Variants in FMNL3 observed in about 807,000 individuals in gnomAD.
FMNL3 encodes the protein formin-like protein 3.
Under a neutral mutation model 119.6 loss-of-function variants are expected in FMNL3, and 57 were observed. The ratio of observed to expected loss-of-function variants is 0.48; its 90% CI spans 0.39 to 0.59. FMNL3 has a LOEUF of 0.59. Among genes scored for constraint, FMNL3 ranks in the 20% least tolerant of loss-of-function variants. FMNL3 has a pLI of 0.00. For synonymous variants in FMNL3, 491 were observed against 507.3 expected (o/e 0.97, Z 0.43); for missense variants, 1,053 against 1,323.5 (o/e 0.80, Z 3.17).
At chr12:49,687,634 A>C (rs898313778) in intron 1 of FMNL3, among the ~76,000 whole-genome samples, 35 of 152,210 alleles carry the variant, frequency 2.3e-4, no homozygotes, top group African/African-American at 8.4e-4. Context: ...CCCAACAACA[A>C]TGTGAATGCT....
chr12:49,696,441 G>A (rs906337924), intron 1 of FMNL3, among the ~76,000 whole-genome samples: 3 of 152,132 alleles, frequency 2.0e-5, no homozygotes, highest in South Asian at 2.1e-4. Flanking sequence ...AAAAATCTGC[G>A]TATAAGCTCA....
chr12:49,646,702 A>C (rs1304479188), intron 25 of FMNL3, 184 bp downstream of exon 25: 19 of 1,540,492 alleles, frequency 1.2e-5, no homozygotes, highest in East Asian at 7.3e-5. Flanking sequence ...ATCACAGAAG[A>C]AGCGTGAGCC....
At chr12:49,667,123 A>G (rs1943913437) in intron 2 of FMNL3, among the ~76,000 whole-genome samples, 1 of 152,182 alleles carries the variant, frequency 6.6e-6, no homozygotes, top group African/African-American at 2.4e-5. Flanking sequence ...CATCTGACCC[A>G]AAAAGAAACT....
intron 8 of FMNL3, 60 bp downstream of exon 8, chr12:49,656,763 G>A: frequency 6.8e-7 from 1 of 1,475,066 alleles, no homozygotes; most frequent in Non-Finnish European, 9.5e-7. Flanking sequence ...GGAATACATG[G>A]AGTACAGATC....
Position 49,651,991 on chromosome 12 carries a change from G to A in FMNL3, c.1545C>T (p.Val515=). The A allele has an allele frequency of 6.2e-7, 1 of 1,606,452 alleles. No individual in the cohort carries two copies. Residue 515 remains valine (V), a synonymous_variant, in exon 14 of 26, where the codon GTC becomes GTT. Transcript: ENST00000335154. ...GAGCTGGTGGTGGAGGAAGAGGCAG[G>A]ACCTCCTCAGGGGGTGGGGCTGGAG... ...LLAPAPPPEE[V]LPLPPPPAPP... is the part of the protein sequence containing the mutation.
Position 49,648,199 on chromosome 12 carries a change from C to A in FMNL3, c.2670G>T (p.Thr890=). ...GCCTGCACCCCGTGCTTGCCTCAGC[C>A]GTCTTGGCGTCCCGCTGGAGCTTGT... The part of the protein sequence containing the change: ...KLDKLQRDAK[T]AEEAYNAVVR... Residue 890 remains threonine, a synonymous_variant, in exon 22 of 26, where the codon ACG becomes ACT. Coordinates refer to ENST00000335154, the MANE Select transcript of FMNL3 (RefSeq NM_175736.5). The A allele has an allele frequency of 6.2e-7, 1 of 1,612,640 alleles. No homozygotes were observed. Among genetic ancestry groups the A allele is most frequent in the South Asian group, 1.1e-5 (1 of 90,892 alleles).
At chr12:49,648,427 A>AATCAG in intron 21 of FMNL3, 74 bp from the exon 22 acceptor site, 1 of 1,474,774 alleles carries the variant, frequency 6.8e-7, no homozygotes, top group Admixed American at 2.2e-5. Flanking sequence ...GCTATATCAA[A>AATCAG]CTCTGGCCCT....
Position 49,649,999 on chromosome 12 carries a change from C to T in FMNL3, c.2001-74G>A, listed in dbSNP as rs1943344306. ...TCCCTCATCCCTTTTATTCTCCAAG[C>T]TCCTAGAAGAACTGGACAGGGGACT... is the stretch of plus-strand genomic sequence containing the variant. On this transcript the variant is annotated intron_variant, in intron 17 of 25. Coordinates refer to ENST00000335154, the MANE Select transcript of FMNL3 (RefSeq NM_175736.5). This position sits in a 1 kb window ranked among gnomAD's most constrained non-coding sequence, Gnocchi z 5.6. The T allele has an allele frequency of 7.5e-7, 1 of 1,337,124 alleles. No homozygotes were observed. The highest frequency in any genetic ancestry group is 1.0e-6 in the Non-Finnish European group (1 of 968,176). 82.8% of individuals were successfully genotyped at this position (1,337,124 alleles called of 1,614,324 possible). A position where few individuals can be genotyped will look rare whatever the true frequency, so the allele number is the denominator to read the frequency against.
chr12:49,648,940 T>C, intron 21 of FMNL3, 89 bp downstream of exon 21: 3 of 1,500,052 alleles, frequency 2.0e-6, no homozygotes, highest in Non-Finnish European at 2.7e-6. Flanking sequence ...CAGAAACAAA[T>C]GGACCCAAGT....
At chr12:49,667,273 A>T (rs953567429) in intron 2 of FMNL3, among the ~76,000 whole-genome samples, 2 of 152,136 alleles carry the variant, frequency 1.3e-5, no homozygotes, top group Non-Finnish European at 2.9e-5. Context: ...CAAATCAAAG[A>T]AAAAAACGAA....
At position 49,658,511 on chromosome 12, in the gene FMNL3, T is replaced by C. The variant is rs1428484493; in HGVS notation, c.536A>G (p.Gln179Arg). The change falls in exon 6 of 26, where the codon CAG (glutamine) becomes CGG (arginine). Residue 179 changes from glutamine (Q) to arginine (R), a missense_variant. Gln to Arg is a conservative substitution (Grantham distance 43, BLOSUM62 1). This residue lies in a region of FMNL3 where 264 missense variants were observed against 265.5 expected (regional missense o/e 0.99). Coordinates refer to ENST00000335154, the MANE Select transcript of FMNL3 (RefSeq NM_175736.5). ...GGGGGCCGACAGGGCGCTGGGTGGC[T>C]GCAGGTCCTCGATTGACCTGCTCCA... ...RSWSRSIEDL[Q>R]PPSALSAPFT... is the part of the protein sequence containing the mutation. The C allele has an allele frequency of 6.2e-7, 1 of 1,613,756 alleles. No homozygotes were observed. Among genetic ancestry groups the C allele is most frequent in the South Asian group, 1.1e-5 (1 of 91,052 alleles).
At position 49,637,372 on chromosome 12, in the gene FMNL3, G is replaced by T. The variant is rs1184469886; in HGVS notation, c.*8443C>A. On this transcript the variant is annotated 3_prime_UTR_variant, in exon 26 of 26. Transcript: ENST00000335154. Reference sequence around the variant, plus strand: ...TGCCTGCATTTCCTCAATCTTGATTGTCCCTGCCTCTTCCTCTGCCATTCC... The same window carrying T: ...TGCCTGCATTTCCTCAATCTTGATTTTCCCTGCCTCTTCCTCTGCCATTCC... The T allele has an allele frequency of 2.6e-6, 2 of 777,454 alleles. No homozygotes were observed. The highest frequency in any genetic ancestry group is 4.3e-6 in the Non-Finnish European group (2 of 462,996). The allele number at this position is 777,454 out of a possible 1,614,324, so 48.2% of individuals were successfully genotyped here. A position where few individuals can be genotyped will look rare whatever the true frequency, so the allele number is the denominator to read the frequency against.
chr12:49,665,246 T>G (rs2138845282), intron 4 of FMNL3, among the ~76,000 whole-genome samples: 2 of 150,156 alleles, frequency 1.3e-5, no homozygotes, highest in South Asian at 4.2e-4. Flanking sequence ...AAAAAAAGAC[T>G]CACACAGTTC....
chr12:49,684,341 A>C (rs4133070), intron 1 of FMNL3, among the ~76,000 whole-genome samples: 1 of 151,992 alleles, frequency 6.6e-6, no homozygotes, highest in Admixed American at 6.6e-5. Context: ...CCCTGCCACA[A>C]AATAAGGCTC....
chr12:49,636,660 G>A lies in FMNL3; in HGVS notation c.*9155C>T. The A allele has an allele frequency of 1.9e-6, 3 of 1,608,706 alleles. No homozygotes were observed. The highest frequency in any genetic ancestry group is 2.6e-6 in the Non-Finnish European group (3 of 1,175,972). On this transcript the variant is annotated 3_prime_UTR_variant, in exon 26 of 26. Transcript: ENST00000335154. ...TCGTTGAAACATTAGGGGTGCTGGG[G>A]TCTGAGAGGGTATCCTGCTGGGACA... is the stretch of plus-strand genomic sequence containing the variant.
intron 2 of FMNL3, among the ~76,000 whole-genome samples, chr12:49,667,354 A>C (rs938021729): frequency 6.6e-6 from 1 of 152,232 alleles, no homozygotes; most frequent in African/African-American, 2.4e-5. Context: ...CCTCAATATC[A>C]AAGGGTTACT....
At chr12:49,703,543 T>C (rs1259317334) in intron 1 of FMNL3, among the ~76,000 whole-genome samples, 1 of 151,886 alleles carries the variant, frequency 6.6e-6, no homozygotes, top group Non-Finnish European at 1.5e-5. Context: ...AATATTACTG[T>C]TTCTACAGTA....
At chr12:49,684,080 G>A (rs982101950) in intron 1 of FMNL3, among the ~76,000 whole-genome samples, 1 of 152,142 alleles carries the variant, frequency 6.6e-6, no homozygotes, top group African/African-American at 2.4e-5. Context: ...ATAATTACAT[G>A]TTTAATGTGT....
intron 1 of FMNL3, among the ~76,000 whole-genome samples, chr12:49,677,122 C>G (rs1176725607): frequency 6.6e-6 from 1 of 152,230 alleles, no homozygotes; most frequent in Non-Finnish European, 1.5e-5. Context: ...CAATTCACAA[C>G]AGGTGAAATC....
Sources: allele counts gnomAD v4.1 joint callset (sites outside exome capture counted in the v4.1 genomes callset), GRCh38; gene constraint gnomAD v4.1.1; regional missense constraint gnomAD v4.1.1; non-coding constraint Gnocchi (gnomAD v3.1); transcripts MANE v1.5; gene names NCBI Gene and HGNC (gene_info 2026-07-23, HGNC 2026-07-21).